Variants in SLC4A5 observed in about 807,000 individuals in gnomAD.
The protein encoded by SLC4A5 is solute carrier family 4 member 5, also known as electrogenic sodium bicarbonate cotransporter 4.
Under a neutral mutation model 120.4 loss-of-function variants are expected in SLC4A5, and 96 were observed. That is an observed-to-expected ratio of 0.80 (90% CI 0.68 to 0.94). The LOEUF is 0.94. Ranked by LOEUF, SLC4A5 falls within the 40% of genes least tolerant of loss-of-function variation. The pLI is 0.00. For synonymous variants in SLC4A5, 550 were observed against 571.1 expected, an observed-to-expected ratio of 0.96 and a Z score of 0.53; for missense variants, 1,259 against 1,459.5, an observed-to-expected ratio of 0.86 and a Z score of 2.24.
At chr2:74,295,503 G>A (rs1363846478) in intron 7 of SLC4A5, among the ~76,000 whole-genome samples, 4 of 151,870 alleles carry the variant, frequency 2.6e-5, no homozygotes, top group Non-Finnish European at 5.9e-5. Context: ...GTGTGGTGGC[G>A]GGTGCCTGTA....
intron 2 of SLC4A5, among the ~76,000 whole-genome samples, chr2:74,342,132 GGAA>G (rs1381570643): frequency 6.6e-6 from 1 of 152,178 alleles, no homozygotes; most frequent in Admixed American, 6.5e-5. Context: ...GAAGGATGAG[GGAA>G]GGAAACCCAA....
chr2:74,254,178 G>A lies in SLC4A5; in HGVS notation c.1113+441C>T, dbSNP rs532780869. Reference sequence around the variant, plus strand: ...CAGCTCTGCTTACAGGCTCTGTGTAGTCTCTGGCTCACCTCTCCAGTATTA... The same window carrying A: ...CAGCTCTGCTTACAGGCTCTGTGTAATCTCTGGCTCACCTCTCCAGTATTA... On this transcript the variant is annotated intron_variant, in intron 14 of 30. Transcript: ENST00000394019. Among the ~76,000 whole-genome samples, 3 of 152,172 alleles carry A rather than the reference G, an allele frequency of 2.0e-5. No homozygotes were observed. In the South Asian group the frequency reaches 6.2e-4, roughly 32 times the overall value.
At chr2:74,237,253 G>T (rs958737915) in intron 21 of SLC4A5, among the ~76,000 whole-genome samples, 3 of 152,222 alleles carry the variant, frequency 2.0e-5, no homozygotes, top group African/African-American at 7.2e-5. Context: ...TGGGATTACA[G>T]GCGTGAGCCA....
chr2:74,225,770 C>T (rs1207631345), intron 27 of SLC4A5, among the ~76,000 whole-genome samples: 1 of 152,162 alleles, frequency 6.6e-6, no homozygotes, highest in Non-Finnish European at 1.5e-5. Flanking sequence ...TGCCAAAACT[C>T]ATAGACCCAC....
rs949151579 is a variant in SLC4A5, at chr2:74,247,170, G to C, written c.1925C>G (p.Thr642Ser). The C allele has an allele frequency of 3.7e-5, 60 of 1,614,100 alleles. No individual in the cohort carries two copies. The highest frequency in any genetic ancestry group is 2.7e-4 in the Admixed American group (16 of 60,008). ...GTAGATGAAGATGAAGCTGATAAGG[G>C]TGGAGAAGCCCTCCTCGGTGAAGCG... Residue 642 changes from threonine (T) to serine (S), a missense_variant, in exon 19 of 31, where the codon ACC becomes AGC. Transcript: ENST00000394019.
chr2:74,237,009 C>G lies in SLC4A5; in HGVS notation c.2320-1795G>C, dbSNP rs190338385. ...TTTTTTTTTTTGAGACAGAGTCTCT[C>G]TCTGTCGCCCAGGCTGGAGTGCAGT... On this transcript the variant is annotated intron_variant, in intron 21 of 30. Coordinates refer to ENST00000394019, the Ensembl canonical transcript of SLC4A5. 4.7e-4 allele frequency among the ~76,000 whole-genome samples: 69 copies of G among 146,324 alleles called. 1 individual carries two copies. The East Asian group carries it at 0.012, about 26-fold the overall frequency.
At chr2:74,262,858 C>T (rs956392850) in intron 10 of SLC4A5, among the ~76,000 whole-genome samples, 2 of 152,180 alleles carry the variant, frequency 1.3e-5, no homozygotes, top group Non-Finnish European at 2.9e-5. Flanking sequence ...GTTACTTAAA[C>T]TCTCTGTGCC....
chr2:74,318,515 G>C (rs1379085165), intron 5 of SLC4A5, among the ~76,000 whole-genome samples: 1 of 151,968 alleles, frequency 6.6e-6, no homozygotes, highest in Non-Finnish European at 1.5e-5. Flanking sequence ...GTGAAACCCC[G>C]TATCTACTAA....
intron 6 of SLC4A5, among the ~76,000 whole-genome samples, chr2:74,309,721 T>C (rs527301419): frequency 6.6e-6 from 1 of 151,554 alleles, no homozygotes; most frequent in East Asian, 1.9e-4. Context: ...AGTGGCGCCA[T>C]CTCAGCTCAC....
In SLC4A5 at chr2:74,336,360, C is replaced by T. The variant is rs143931449; in HGVS notation, c.-220-2183G>A. On this transcript the variant is annotated intron_variant, in intron 3 of 30. Transcript: ENST00000394019. Reference sequence around the variant, plus strand: ...CTGGGATTACAGGAGTAAGCCACCACGCCTGGCTGAGGTCATTATTAATAT... The same window carrying T: ...CTGGGATTACAGGAGTAAGCCACCATGCCTGGCTGAGGTCATTATTAATAT... 6.8e-3 allele frequency among the ~76,000 whole-genome samples: 1,042 copies of T among 152,242 alleles called. 18 individuals are homozygous for T. The highest frequency in any genetic ancestry group is 0.023 in the African/African-American group (935 of 41,534).
intron 6 of SLC4A5, chr2:74,306,714 C>T: frequency 5.0e-6 from 6 of 1,192,738 alleles, no homozygotes; most frequent in Non-Finnish European, 6.9e-6. Flanking sequence ...GGGTACCCTG[C>T]TTCTGCTGGC....
intron 20 of SLC4A5, among the ~76,000 whole-genome samples, chr2:74,241,249 A>ATATTATTAT (rs145522219): frequency 0.072 from 10,161 of 140,658 alleles, 624 homozygotes; most frequent in African/African-American, 0.16. Context: ...TGTGCGTGTC[A>ATATTATTAT]TATTATTATT....
chr2:74,297,302 T>C (rs1672359459), intron 7 of SLC4A5, among the ~76,000 whole-genome samples: 1 of 152,222 alleles, frequency 6.6e-6, no homozygotes, highest in Non-Finnish European at 1.5e-5. Flanking sequence ...TAATATCTAT[T>C]TATCTCTCAT....
At chr2:74,280,685 AT>A (rs35096924) in intron 8 of SLC4A5, among the ~76,000 whole-genome samples, 44,354 of 140,672 alleles carry the variant, frequency 0.32, 8,852 homozygotes, top group East Asian at 0.73. Flanking sequence ...ATTATACAGG[AT>A]TTTTTTTTTT....
chr2:74,242,202 C>T (rs1670471045), intron 19 of SLC4A5, 150 bp from the exon 20 acceptor site: 1 of 628,182 alleles, frequency 1.6e-6, no homozygotes. Flanking sequence ...CCTCACTTTG[C>T]CCCAGTTAGG....
intron 7 of SLC4A5, among the ~76,000 whole-genome samples, chr2:74,296,655 G>T (rs61002231): frequency 0.035 from 5,328 of 150,266 alleles, 346 homozygotes; most frequent in African/African-American, 0.12. Context: ...TAGGTGTGGT[G>T]GCACATGCCT....
chr2:74,236,535 G>A (rs759470632), intron 21 of SLC4A5, among the ~76,000 whole-genome samples: 1 of 152,048 alleles, frequency 6.6e-6, no homozygotes, highest in Non-Finnish European at 1.5e-5. Context: ...ATCATTTCTT[G>A]TTCCGTAAAC....
chr2:74,296,213 T>C (rs555063940), intron 7 of SLC4A5, among the ~76,000 whole-genome samples: 3 of 152,236 alleles, frequency 2.0e-5, no homozygotes, highest in Non-Finnish European at 2.9e-5. Flanking sequence ...GCGATCTTGG[T>C]TTTAAGGTGT....
At chr2:74,229,955 C>T (rs572904945) in intron 25 of SLC4A5, among the ~76,000 whole-genome samples, 41 of 149,308 alleles carry the variant, frequency 2.7e-4, no homozygotes, top group Non-Finnish European at 4.9e-4. Flanking sequence ...GATCATGGCT[C>T]ACTGCAGCCT....
Sources: allele counts gnomAD v4.1 joint callset (sites outside exome capture counted in the v4.1 genomes callset), GRCh38; gene constraint gnomAD v4.1.1; transcripts MANE v1.5; gene names NCBI Gene and HGNC (gene_info 2026-07-23, HGNC 2026-07-21).